Variants in NRG3 observed in about 807,000 individuals in gnomAD.
NRG3 encodes pro-neuregulin-3, membrane-bound isoform.
A neutral mutation model predicts 66.9 loss-of-function variants in NRG3; 31 were observed. That is an observed-to-expected ratio of 0.46 (90% CI 0.35 to 0.63). NRG3 has a LOEUF of 0.63. Among genes scored for constraint, NRG3 ranks in the 20% least tolerant of loss-of-function variants. The pLI is 0.00. For missense variants in NRG3, 910 were observed against 878.9 expected (o/e 1.04, Z -0.45); for synonymous variants, 393 against 359.4 (o/e 1.09, Z -1.06).
intron 3 of NRG3, among the ~76,000 whole-genome samples, chr10:82,766,185 G>T (rs1181713554): frequency 1.3e-5 from 2 of 152,138 alleles, no homozygotes; most frequent in Non-Finnish European, 2.9e-5. Context: ...GATAGGGAAT[G>T]AACCATAATT....
chr10:82,726,691 C>A (rs986895421), intron 2 of NRG3, among the ~76,000 whole-genome samples: 1 of 152,010 alleles, frequency 6.6e-6, no homozygotes, highest in Non-Finnish European at 1.5e-5. Flanking sequence ...AAATTTGTTA[C>A]CAGTAGAGCG....
chr10:82,387,186 T>C (rs1044839180), intron 2 of NRG3, among the ~76,000 whole-genome samples: 13 of 152,250 alleles, frequency 8.5e-5, no homozygotes, highest in Non-Finnish European at 1.8e-4. Flanking sequence ...TTTTTCTTTT[T>C]CTTATGGAAA....
Position 82,701,208 on chromosome 10 carries a change from T to G in NRG3, c.954-37369T>G, listed in dbSNP as rs2055850414. ...TCATTAAACCACAATTTTCTACCAT[T>G]TGTTACTTCAAAACTTCTTCCCTTG... On this transcript the variant is annotated intron_variant, in intron 2 of 8. Transcript: ENST00000372141. Among the ~76,000 whole-genome samples the G allele has an allele frequency of 2.0e-5, 3 of 152,170 alleles. No individual in the cohort carries two copies. In the South Asian group the frequency reaches 6.2e-4, roughly 32 times the overall value.
chr10:82,685,455 T>C (rs970758987), intron 2 of NRG3, among the ~76,000 whole-genome samples: 1 of 152,148 alleles, frequency 6.6e-6, no homozygotes, highest in Non-Finnish European at 1.5e-5. Context: ...TAGGAACTTG[T>C]GATACAAAGA....
At chr10:82,956,300 T>C (rs1289982148) in intron 5 of NRG3, among the ~76,000 whole-genome samples, 1 of 152,032 alleles carries the variant, frequency 6.6e-6, no homozygotes, top group Non-Finnish European at 1.5e-5. Context: ...GTGCAAGGCA[T>C]GCATCTTTTC....
At chr10:82,724,693 A>T in intron 2 of NRG3, among the ~76,000 whole-genome samples, 1 of 152,338 alleles carries the variant, frequency 6.6e-6, no homozygotes, top group East Asian at 1.9e-4. Flanking sequence ...CTGCAAACAG[A>T]TTCCTGAATG....
At chr10:82,010,565 C>G (rs2061536044) in intron 1 of NRG3, among the ~76,000 whole-genome samples, 1 of 152,164 alleles carries the variant, frequency 6.6e-6, no homozygotes, top group African/African-American at 2.4e-5. Flanking sequence ...TTCCAGTGTT[C>G]AAGTCTGCTG....
At chr10:82,141,382 G>A (rs2069773703) in intron 1 of NRG3, among the ~76,000 whole-genome samples, 1 of 152,120 alleles carries the variant, frequency 6.6e-6, no homozygotes. Flanking sequence ...TCATCCCCCA[G>A]ACCTGCAGAC....
chr10:82,720,689 G>A (rs576594242), intron 2 of NRG3, among the ~76,000 whole-genome samples: 84 of 151,590 alleles, frequency 5.5e-4, no homozygotes, highest in South Asian at 3.1e-3. Flanking sequence ...GCATAGAATG[G>A]GTCTTCAAGG....
At chr10:82,333,987 A>C (rs1461432003) in intron 1 of NRG3, among the ~76,000 whole-genome samples, 2 of 151,954 alleles carry the variant, frequency 1.3e-5, no homozygotes, top group Non-Finnish European at 2.9e-5. Flanking sequence ...CAGGAGATGG[A>C]GACCACGGTG....
chr10:82,417,331 G>A (rs2088655867), intron 2 of NRG3, among the ~76,000 whole-genome samples: 1 of 152,124 alleles, frequency 6.6e-6, no homozygotes, highest in Non-Finnish European at 1.5e-5. Context: ...TAGTGGCAAT[G>A]GAAGAAGAGA....
At chr10:81,962,907 G>A (rs1054372543) in intron 1 of NRG3, among the ~76,000 whole-genome samples, 2 of 152,124 alleles carry the variant, frequency 1.3e-5, no homozygotes, top group East Asian at 3.9e-4. Context: ...CTTTCACGAG[G>A]TAGGTAGTGG....
chr10:81,979,151 TGCACTC>T (rs2060237619), intron 1 of NRG3, among the ~76,000 whole-genome samples: 1 of 137,022 alleles, frequency 7.3e-6, no homozygotes, highest in African/African-American at 2.8e-5. Flanking sequence ...ATTGTGCCAC[TGCACTC>T]CAGCCTGGCG....
chr10:82,912,599 T>C (rs1845425891), intron 4 of NRG3, among the ~76,000 whole-genome samples: 1 of 152,180 alleles, frequency 6.6e-6, no homozygotes, highest in Non-Finnish European at 1.5e-5. Context: ...TTTTTAAAAA[T>C]ATACTTCGAC....
intron 1 of NRG3, among the ~76,000 whole-genome samples, chr10:82,017,353 G>T (rs528274884): frequency 6.6e-6 from 1 of 152,280 alleles, no homozygotes; most frequent in East Asian, 1.9e-4. Context: ...GGACATTTGG[G>T]TTGGTTCCAA....
chr10:82,824,720 T>TG (rs2062114747), intron 3 of NRG3, among the ~76,000 whole-genome samples: 1 of 125,798 alleles, frequency 7.9e-6, no homozygotes, highest in African/African-American at 3.1e-5. Context: ...TTATAGACAC[T>TG]TTTTTTTTTT....
intron 1 of NRG3, among the ~76,000 whole-genome samples, chr10:82,246,256 G>A (rs2077239298): frequency 6.6e-6 from 1 of 152,096 alleles, no homozygotes; most frequent in African/African-American, 2.4e-5. Context: ...TGAAGACAGT[G>A]ATATTAGATC....
At chr10:82,010,407 T>C (rs1356213934) in intron 1 of NRG3, among the ~76,000 whole-genome samples, 1 of 152,170 alleles carries the variant, frequency 6.6e-6, no homozygotes, top group African/African-American at 2.4e-5. Context: ...GTTTGAAAAA[T>C]ATGAGTTACT....
intron 2 of NRG3, among the ~76,000 whole-genome samples, chr10:82,687,912 C>T (rs1396116971): frequency 1.3e-5 from 2 of 152,138 alleles, no homozygotes; most frequent in Non-Finnish European, 2.9e-5. Context: ...AATGATTTCT[C>T]CTGCCATTCT....
Sources: gnomAD v4.1 joint callset for allele counts (sites outside exome capture counted in the v4.1 genomes callset) on GRCh38, gnomAD v4.1.1 for gene constraint, MANE v1.5 for transcripts, NCBI Gene and HGNC (gene_info 2026-07-23, HGNC 2026-07-21) for gene names.